The following RYR2 variants were observed in gnomAD, a reference collection of about 807,000 sequenced individuals.
RYR2 encodes cardiac muscle ryanodine receptor-calcium release channel.
Under a neutral mutation model 601.1 loss-of-function variants are expected in RYR2, and 227 were observed. The ratio of observed to expected loss-of-function variants is 0.38; its 90% CI spans 0.34 to 0.42. RYR2 has a LOEUF of 0.42. Ranked by LOEUF, RYR2 falls within the 10% of genes least tolerant of loss-of-function variation. The pLI is 1.00. For missense variants in RYR2, 4,646 were observed against 6,156.5 expected, an observed-to-expected ratio of 0.75 and a Z score of 8.21; for synonymous variants, 2,223 against 2,175.1, an observed-to-expected ratio of 1.02 and a Z score of -0.61.
chr1:237,422,868 A>G (rs183342342), intron 11 of RYR2, among the ~76,000 whole-genome samples: 39 of 152,206 alleles, frequency 2.6e-4, no homozygotes, highest in African/African-American at 8.7e-4. Context: ...CTTGAGTTAC[A>G]TTTAACTTCT....
chr1:237,396,538 C>T (rs1441390594), intron 10 of RYR2, among the ~76,000 whole-genome samples: 1 of 152,162 alleles, frequency 6.6e-6, no homozygotes, highest in Non-Finnish European at 1.5e-5. Context: ...TATTTCTTCC[C>T]ATTTAAGCAG....
At chr1:237,825,061 A>G (rs1662939334) in intron 101 of RYR2, among the ~76,000 whole-genome samples, 1 of 152,214 alleles carries the variant, frequency 6.6e-6, no homozygotes, top group African/African-American at 2.4e-5. Context: ...GATAGGAAGA[A>G]TCAATATTGT....
intron 88 of RYR2, among the ~76,000 whole-genome samples, chr1:237,780,626 C>T (rs1355723868): frequency 1.3e-5 from 2 of 152,026 alleles, no homozygotes; most frequent in South Asian, 4.2e-4. Flanking sequence ...CACAATATGT[C>T]TTTGAAAAAG....
At chr1:237,249,997 A>G (rs1687286908) in intron 1 of RYR2, among the ~76,000 whole-genome samples, 1 of 152,214 alleles carries the variant, frequency 6.6e-6, no homozygotes, top group African/African-American at 2.4e-5. Flanking sequence ...TCTTCGATTT[A>G]CAGAGTGGTT....
chr1:237,511,856 A>C (rs1398921566), intron 24 of RYR2, 65 bp downstream of exon 24: 4 of 972,310 alleles, frequency 4.1e-6, no homozygotes, highest in South Asian at 3.7e-5. Flanking sequence ...AAAAAAAAAA[A>C]AAACAGGTAT....
At chr1:237,314,125 C>G (rs1218617806) in intron 2 of RYR2, among the ~76,000 whole-genome samples, 1 of 129,870 alleles carries the variant, frequency 7.7e-6, no homozygotes, top group African/African-American at 2.8e-5. Flanking sequence ...AGTGCAGTGG[C>G]ACAATCTCAG....
intron 2 of RYR2, among the ~76,000 whole-genome samples, chr1:237,303,848 CA>C (rs1693613609): frequency 6.6e-6 from 1 of 152,156 alleles, no homozygotes; most frequent in South Asian, 2.1e-4. Context: ...CTTGAGAATA[CA>C]GATTCATGAG....
At chr1:237,464,259 A>T (rs572700214) in intron 16 of RYR2, among the ~76,000 whole-genome samples, 1 of 152,112 alleles carries the variant, frequency 6.6e-6, no homozygotes, top group South Asian at 2.1e-4. Context: ...ATTTGGTTAC[A>T]TTTTTTTGGA....
At chr1:237,652,209 A>G (rs1312031020) in intron 51 of RYR2, among the ~76,000 whole-genome samples, 3 of 152,202 alleles carry the variant, frequency 2.0e-5, no homozygotes, top group Admixed American at 2.0e-4. Flanking sequence ...TTGTCACTTC[A>G]TAGGGTTCAA....
At chr1:237,132,955 G>GT (rs1297629028) in intron 1 of RYR2, among the ~76,000 whole-genome samples, 2 of 152,146 alleles carry the variant, frequency 1.3e-5, no homozygotes, top group Non-Finnish European at 2.9e-5. Flanking sequence ...ACCAAGGATG[G>GT]TTTTTTGTCA....
At chr1:237,666,645 A>C (rs1684352183) in intron 57 of RYR2, 56 bp downstream of exon 57, 4 of 1,345,512 alleles carry the variant, frequency 3.0e-6, no homozygotes, top group Non-Finnish European at 4.2e-6. Context: ...AAGAAGCATA[A>C]TGTAATGCTT....
At position 237,309,430 on chromosome 1, in the gene RYR2, G is replaced by T. The variant is rs148395376; in HGVS notation, c.169-21448G>T. On this transcript the variant is annotated intron_variant, in intron 2 of 104. Coordinates refer to ENST00000366574, the MANE Select transcript of RYR2 (RefSeq NM_001035.3). ...GGTTCTCCAAGTCCCCACTAGATTAGCTAGATACGGAGCACTGATAGGTGC... is the reference window on the plus strand; with the variant it reads ...GGTTCTCCAAGTCCCCACTAGATTATCTAGATACGGAGCACTGATAGGTGC... Among the ~76,000 whole-genome samples the T allele has an allele frequency of 7.7e-3, 1,175 of 151,726 alleles. 13 individuals carry two copies. Among genetic ancestry groups the T allele is most frequent in the African/African-American group, 0.027 (1,110 of 41,040 alleles).
intron 17 of RYR2, among the ~76,000 whole-genome samples, chr1:237,480,888 CCTT>C (rs1661990908): frequency 6.6e-6 from 1 of 151,946 alleles, no homozygotes; most frequent in African/African-American, 2.4e-5. Context: ...ATTTTTCTCT[CCTT>C]TTCTTAATTT....
chr1:237,644,623 A>G (rs1681934573), intron 48 of RYR2, among the ~76,000 whole-genome samples: 1 of 152,202 alleles, frequency 6.6e-6, no homozygotes, highest in Non-Finnish European at 1.5e-5. Context: ...TTAAATCCCA[A>G]ATTATACTTT....
intron 3 of RYR2, among the ~76,000 whole-genome samples, chr1:237,337,207 G>A (rs1180525841): frequency 1.4e-5 from 2 of 147,884 alleles, no homozygotes; most frequent in African/African-American, 5.0e-5. Flanking sequence ...AGCCCAGATC[G>A]TGCCACTGCA....
chr1:237,150,559 GACA>G (rs753670210), intron 1 of RYR2, among the ~76,000 whole-genome samples: 3 of 152,018 alleles, frequency 2.0e-5, no homozygotes, highest in Non-Finnish European at 4.4e-5. Flanking sequence ...TGAAAACAAT[GACA>G]ACAACAACAA....
intron 1 of RYR2, among the ~76,000 whole-genome samples, chr1:237,158,603 C>T (rs568114096): frequency 6.6e-6 from 1 of 152,260 alleles, no homozygotes; most frequent in East Asian, 1.9e-4. Flanking sequence ...TCCCACCCTT[C>T]CCATCTTCAG....
chr1:237,366,962 G>A (rs2149740575), intron 5 of RYR2, among the ~76,000 whole-genome samples: 1 of 152,138 alleles, frequency 6.6e-6, no homozygotes, highest in African/African-American at 2.4e-5. Context: ...TAAATCAAAT[G>A]CATTATAGAA....
intron 71 of RYR2, among the ~76,000 whole-genome samples, chr1:237,712,303 C>G (rs1688908983): frequency 6.6e-6 from 1 of 152,022 alleles, no homozygotes; most frequent in South Asian, 2.1e-4. Flanking sequence ...GGTACCTAGT[C>G]CCAGAGTGAT....
Sources: gnomAD v4.1 joint callset for allele counts (sites outside exome capture counted in the v4.1 genomes callset) on GRCh38, gnomAD v4.1.1 for gene constraint, MANE v1.5 for transcripts, NCBI Gene and HGNC (gene_info 2026-07-23, HGNC 2026-07-21) for gene names.